The following PEPD variants were observed in gnomAD, a reference collection of about 807,000 sequenced individuals.
PEPD encodes the protein peptidase D, also known as xaa-Pro dipeptidase.
Under a neutral mutation model 60.7 loss-of-function variants are expected in PEPD, and 53 were observed. The observed-to-expected ratio is 0.87, with a 90% CI of 0.70 to 1.10. The LOEUF is 1.10. PEPD is among the 50% of genes least tolerant of loss of function. PEPD has a pLI of 0.00. For missense variants in PEPD, 711 were observed against 711.9 expected, an observed-to-expected ratio of 1.00 and a Z score of 0.01; for synonymous variants, 267 against 284.1, an observed-to-expected ratio of 0.94 and a Z score of 0.60.
At chr19:33,438,552 TG>T in intron 9 of PEPD, among the ~76,000 whole-genome samples, 1 of 152,030 alleles carries the variant, frequency 6.6e-6, no homozygotes, top group Non-Finnish European at 1.5e-5. Context: ...AGGACTGGAG[TG>T]GCCCTGAGGT....
At chr19:33,493,241 C>T (rs1970533888) in intron 5 of PEPD, 49 bp downstream of exon 5, 1 of 1,394,578 alleles carries the variant, frequency 7.2e-7, no homozygotes, top group African/African-American at 1.4e-5. Flanking sequence ...CCCATAAAAA[C>T]CCTCCCCAGA....
At chr19:33,508,084 G>A (rs968368211) in intron 3 of PEPD, among the ~76,000 whole-genome samples, 6 of 151,020 alleles carry the variant, frequency 4.0e-5, no homozygotes, top group African/African-American at 1.5e-4. Context: ...CCCCTGATCA[G>A]ACCCTCCCTG....
chr19:33,454,390 G>A (rs1969757015), intron 9 of PEPD, among the ~76,000 whole-genome samples: 1 of 152,006 alleles, frequency 6.6e-6, no homozygotes, highest in Admixed American at 6.6e-5. Context: ...TCACTTGAGG[G>A]CAAGAGTTTG....
At chr19:33,402,000 G>C in intron 11 of PEPD, 131 bp from the exon 12 acceptor site, 1 of 833,710 alleles carries the variant, frequency 1.2e-6, no homozygotes, top group Middle Eastern at 3.2e-4. Context: ...CTCACAATGA[G>C]ACCGGTGTGG....
chr19:33,462,893 C>T lies in PEPD; in HGVS notation c.671+102G>A, dbSNP rs573221647. On this transcript the variant is annotated intron_variant, in intron 9 of 14. Coordinates refer to ENST00000244137, the MANE Select transcript of PEPD (RefSeq NM_000285.4). ...AAGCCCTGTTCATAATCTCCGCTCA[C>T]GGTGTGTGTGCCACTGCGGCGTCTC... 1.6e-4 allele frequency: 128 copies of T among 798,398 alleles called. No homozygotes were observed. The East Asian group carries it at 2.9e-3, about 18-fold the overall frequency. 49.5% of individuals were successfully genotyped at this position (798,398 alleles called of 1,614,324 possible).
chr19:33,415,329 G>A (rs1441345367), intron 9 of PEPD, among the ~76,000 whole-genome samples: 1 of 152,150 alleles, frequency 6.6e-6, no homozygotes, highest in Admixed American at 6.5e-5. Context: ...ACAGGCAGAG[G>A]GACAGAGATG....
At chr19:33,405,537 C>T (rs1968600548) in intron 11 of PEPD, among the ~76,000 whole-genome samples, 1 of 152,236 alleles carries the variant, frequency 6.6e-6, no homozygotes, top group Non-Finnish European at 1.5e-5. Flanking sequence ...CTTGCTTCTC[C>T]TCAGTGTGAG....
intron 9 of PEPD, among the ~76,000 whole-genome samples, chr19:33,461,895 C>T (rs2145269849): frequency 6.6e-6 from 1 of 152,362 alleles, no homozygotes; most frequent in East Asian, 1.9e-4. Flanking sequence ...CCCAGGATGC[C>T]AAGCACCTGG....
At chr19:33,468,591 G>A (rs1046968180) in intron 7 of PEPD, among the ~76,000 whole-genome samples, 3 of 152,250 alleles carry the variant, frequency 2.0e-5, no homozygotes, top group Non-Finnish European at 4.4e-5. Context: ...GGAACTTCAA[G>A]GGAGCAGCCC....
In PEPD at chr19:33,440,699, G is replaced by T. The variant is rs73927892; in HGVS notation, c.671+22296C>A. On this transcript the variant is annotated intron_variant, in intron 9 of 14. Transcript: ENST00000244137. Reference sequence around the variant, plus strand: ...CAGGACTCCCTCTACTGCCGTCCCCGCTTTTATTTTTCCACAGTCCTGGTC... The same window carrying T: ...CAGGACTCCCTCTACTGCCGTCCCCTCTTTTATTTTTCCACAGTCCTGGTC... Among the ~76,000 whole-genome samples, 1,482 of 152,188 alleles carry T rather than the reference G, an allele frequency of 9.7e-3. 24 individuals are homozygous for T. Among genetic ancestry groups the T allele is most frequent in the African/African-American group, 0.034 (1,422 of 41,518 alleles).
At chr19:33,503,374 T>C (rs1970745833) in intron 3 of PEPD, among the ~76,000 whole-genome samples, 1 of 152,174 alleles carries the variant, frequency 6.6e-6, no homozygotes, top group African/African-American at 2.4e-5. Flanking sequence ...GTTAATTAAA[T>C]TTGCATGATT....
intron 3 of PEPD, among the ~76,000 whole-genome samples, chr19:33,507,871 T>C (rs1403889347): frequency 6.6e-6 from 1 of 151,970 alleles, no homozygotes; most frequent in Non-Finnish European, 1.5e-5. Context: ...TCCAGGACAG[T>C]GGAACGGAGA....
At chr19:33,426,816 T>C (rs1472725896) in intron 9 of PEPD, among the ~76,000 whole-genome samples, 2 of 152,184 alleles carry the variant, frequency 1.3e-5, no homozygotes, top group Non-Finnish European at 2.9e-5. Context: ...CACAGATGCC[T>C]GTGAAAGACG....
At chr19:33,444,915 C>T (rs1010604297) in intron 9 of PEPD, among the ~76,000 whole-genome samples, 1 of 152,190 alleles carries the variant, frequency 6.6e-6, no homozygotes, top group Non-Finnish European at 1.5e-5. Flanking sequence ...GTGTGTAATC[C>T]TCCCACTTGT....
At chr19:33,447,716 C>G (rs1292366316) in intron 9 of PEPD, among the ~76,000 whole-genome samples, 1 of 152,178 alleles carries the variant, frequency 6.6e-6, no homozygotes, top group Admixed American at 6.5e-5. Flanking sequence ...TCAGCCACCC[C>G]CAAGATGCTT....
intron 12 of PEPD, among the ~76,000 whole-genome samples, chr19:33,399,652 G>A (rs1163936999): frequency 6.6e-6 from 1 of 152,216 alleles, no homozygotes; most frequent in Non-Finnish European, 1.5e-5. Context: ...GCACACTTGG[G>A]CCGGCGATCG....
At chr19:33,485,491 T>TAAAAAAAAAAAAAAAAAAAA (rs908651690) in intron 6 of PEPD, among the ~76,000 whole-genome samples, 50 of 110,942 alleles carry the variant, frequency 4.5e-4, no homozygotes, top group African/African-American at 1.7e-3. Context: ...AGACTCTGTC[T>TAAAAAAAAAAAAAAAAAAAA]AAAAAAAAAA....
At chr19:33,505,373 G>C (rs1438271134) in intron 3 of PEPD, among the ~76,000 whole-genome samples, 1 of 152,054 alleles carries the variant, frequency 6.6e-6, no homozygotes, top group Non-Finnish European at 1.5e-5. Context: ...TATGCCCAAA[G>C]ACCACTCCCG....
intron 9 of PEPD, among the ~76,000 whole-genome samples, chr19:33,426,770 AG>A (rs1476414430): frequency 6.6e-6 from 1 of 152,242 alleles, no homozygotes; most frequent in Non-Finnish European, 1.5e-5. Flanking sequence ...GGGTCACTGC[AG>A]CCCCAGATCC....
Sources: gnomAD v4.1 joint callset for allele counts (sites outside exome capture counted in the v4.1 genomes callset) on GRCh38, gnomAD v4.1.1 for gene constraint, MANE v1.5 for transcripts, NCBI Gene and HGNC (gene_info 2026-07-23, HGNC 2026-07-21) for gene names.